FBXW7: variants seen among roughly 807,000 people sequenced by gnomAD.
FBXW7 encodes the protein F-box/WD repeat-containing protein 7.
Under a neutral mutation model 86.3 loss-of-function variants are expected in FBXW7, and 11 were observed. That is an observed-to-expected ratio of 0.13 (90% CI 0.08 to 0.21). The LOEUF (loss-of-function observed/expected upper bound fraction) is 0.21, where lower values mean the gene tolerates loss of function less well. Among genes scored for constraint, FBXW7 ranks in the 10% least tolerant of loss-of-function variants. The probability of loss-of-function intolerance (pLI) is 1.00; values close to 1 mark genes in which losing one functional copy is unlikely to be tolerated. For missense variants in FBXW7, 488 were observed against 847.4 expected (o/e 0.58, Z 5.27); for synonymous variants, 313 against 297.9 (o/e 1.05, Z -0.52).
chr4:152,340,575 C>CAAA (rs556530800), intron 6 of FBXW7, among the ~76,000 whole-genome samples: 28 of 31,848 alleles, frequency 8.8e-4, no homozygotes, highest in Non-Finnish European at 1.1e-3. Flanking sequence ...AACTCCATCT[C>CAAA]AAAAAAAAAA....
chr4:152,393,921 T>C (rs1736200394), intron 4 of FBXW7, among the ~76,000 whole-genome samples: 1 of 152,074 alleles, frequency 6.6e-6, no homozygotes, highest in Admixed American at 6.6e-5. Context: ...TTAAACATCA[T>C]TTTTAAACCT....
chr4:152,382,482 A>G (rs948907537), intron 4 of FBXW7: 1 of 1,208,592 alleles, frequency 8.3e-7, no homozygotes, highest in Non-Finnish European at 1.0e-6. Flanking sequence ...TTGTCTTTCA[A>G]CCTTCCCCTA....
At chr4:152,385,969 T>C (rs1010222976) in intron 4 of FBXW7, among the ~76,000 whole-genome samples, 25 of 152,046 alleles carry the variant, frequency 1.6e-4, no homozygotes, top group Non-Finnish European at 1.6e-4. Context: ...TCTAATGCGA[T>C]ATTCCCAATC....
At chr4:152,386,408 C>G (rs978228680) in intron 4 of FBXW7, among the ~76,000 whole-genome samples, 4 of 151,902 alleles carry the variant, frequency 2.6e-5, no homozygotes, top group African/African-American at 9.7e-5. Context: ...TACAGAGTAA[C>G]GCCTCACATC....
At chr4:152,403,382 G>A (rs151310077) in intron 4 of FBXW7, among the ~76,000 whole-genome samples, 2,407 of 151,954 alleles carry the variant, frequency 0.016, 68 homozygotes, top group African/African-American at 0.055. Context: ...GGAGGCTGAG[G>A]CAGGATAATC....
chr4:152,468,696 G>A (rs1214701537), intron 2 of FBXW7, among the ~76,000 whole-genome samples: 1 of 151,994 alleles, frequency 6.6e-6, no homozygotes, highest in Non-Finnish European at 1.5e-5. Context: ...TCACTGAATT[G>A]TACACTTAGA....
At chr4:152,465,571 G>A (rs925529465) in intron 2 of FBXW7, among the ~76,000 whole-genome samples, 4 of 151,910 alleles carry the variant, frequency 2.6e-5, no homozygotes, top group Non-Finnish European at 5.9e-5. Context: ...CTGGCCAGGC[G>A]CGGTGGCTCA....
intron 2 of FBXW7, among the ~76,000 whole-genome samples, chr4:152,431,304 T>C (rs1739869514): frequency 6.6e-6 from 1 of 152,178 alleles, no homozygotes; most frequent in African/African-American, 2.4e-5. Context: ...GCAGCCCCCA[T>C]TCTGCAAGGT....
intron 2 of FBXW7, among the ~76,000 whole-genome samples, chr4:152,496,450 G>A (rs576208930): frequency 2.2e-4 from 34 of 152,016 alleles, no homozygotes; most frequent in Non-Finnish European, 3.8e-4. Flanking sequence ...CCAGCACTTC[G>A]AGAAGCTGAG....
chr4:152,336,378 T>C (rs908865633), intron 7 of FBXW7, among the ~76,000 whole-genome samples: 1 of 152,082 alleles, frequency 6.6e-6, no homozygotes, highest in East Asian at 1.9e-4. Context: ...TAAGAAGTTA[T>C]GGAAATTCAA....
chr4:152,395,091 C>G (rs1240619787), intron 4 of FBXW7, among the ~76,000 whole-genome samples: 2 of 151,952 alleles, frequency 1.3e-5, no homozygotes, highest in Non-Finnish European at 2.9e-5. Flanking sequence ...CCTGAGGACT[C>G]AGTACATCGT....
intron 4 of FBXW7, among the ~76,000 whole-genome samples, chr4:152,368,298 T>C (rs1733683905): frequency 6.6e-6 from 1 of 152,088 alleles, no homozygotes. Flanking sequence ...GAATAGGACT[T>C]CCCTTCAATG....
intron 2 of FBXW7, among the ~76,000 whole-genome samples, chr4:152,443,167 C>T (rs1579213244): frequency 6.6e-6 from 1 of 152,260 alleles, no homozygotes; most frequent in East Asian, 1.9e-4. Flanking sequence ...GAGGCAGAGG[C>T]CGGAGTATCA....
intron 4 of FBXW7, among the ~76,000 whole-genome samples, chr4:152,379,369 A>G (rs1323454353): frequency 6.6e-6 from 1 of 152,170 alleles, no homozygotes; most frequent in African/African-American, 2.4e-5. Flanking sequence ...TAAAAATTGT[A>G]TTCCCAAATT....
chr4:152,528,903 G>A (rs142996159), intron 2 of FBXW7, among the ~76,000 whole-genome samples: 3 of 152,144 alleles, frequency 2.0e-5, no homozygotes, highest in Non-Finnish European at 2.9e-5. Context: ...TGAACATCTA[G>A]CACAATACGC....
chr4:152,415,447 T>C (rs561693494), intron 2 of FBXW7, among the ~76,000 whole-genome samples: 1 of 152,108 alleles, frequency 6.6e-6, no homozygotes, highest in Non-Finnish European at 1.5e-5. Flanking sequence ...ACTCAAAGCT[T>C]GGAATCACTT....
intron 2 of FBXW7, among the ~76,000 whole-genome samples, chr4:152,461,364 C>T (rs1263883325): frequency 2.0e-5 from 3 of 152,150 alleles, no homozygotes; most frequent in Non-Finnish European, 4.4e-5. Flanking sequence ...GTTTTGATCT[C>T]CTATCTATTC....
At chr4:152,439,432 G>A (rs2126977388) in intron 2 of FBXW7, among the ~76,000 whole-genome samples, 1 of 151,714 alleles carries the variant, frequency 6.6e-6, no homozygotes, top group South Asian at 2.1e-4. Context: ...AATGGGTACT[G>A]GTTTCGTTAC....
chr4:152,337,687 G>T, intron 7 of FBXW7, 115 bp downstream of exon 7: 1 of 1,057,606 alleles, frequency 9.5e-7, no homozygotes. Flanking sequence ...CTAATTAAGA[G>T]TGTCAAACTG....
Sources: gnomAD v4.1 joint callset for allele counts (sites outside exome capture counted in the v4.1 genomes callset) on GRCh38, gnomAD v4.1.1 for gene constraint, MANE v1.5 for transcripts, NCBI Gene and HGNC (gene_info 2026-07-23, HGNC 2026-07-21) for gene names.